The following DST variants were observed in gnomAD, a reference collection of about 807,000 sequenced individuals.
DST encodes the protein dystonin.
Under a neutral mutation model 875.2 loss-of-function variants are expected in DST, and 253 were observed. The ratio of observed to expected loss-of-function variants is 0.29; its 90% CI spans 0.26 to 0.32. The LOEUF (loss-of-function observed/expected upper bound fraction) is 0.32. Among genes scored for constraint, DST ranks in the 10% least tolerant of loss-of-function variants. DST has a pLI of 1.00. For missense variants in DST, 8,287 were observed against 9,111.6 expected (o/e 0.91, Z 3.68); for synonymous variants, 3,124 against 3,197.1 (o/e 0.98, Z 0.77).
rs186637359 is a variant in DST at position 56,524,874 on chromosome 6, T to C, written c.18129+1487A>G. On this transcript the variant is annotated intron_variant, in intron 69 of 103. Transcript: ENST00000680361. Reference sequence around the variant, plus strand: ...ATGCTTTCTTTCATGAATTTTTCTATATTCTTTGAGAAAATCTTGAAATTT... The same window carrying C: ...ATGCTTTCTTTCATGAATTTTTCTACATTCTTTGAGAAAATCTTGAAATTT... 9.2e-5 allele frequency among the ~76,000 whole-genome samples: 14 copies of C among 152,148 alleles called. No homozygotes were observed. The East Asian group carries it at 2.5e-3, about 27-fold the overall frequency.
intron 4 of DST, among the ~76,000 whole-genome samples, chr6:56,849,856 T>C (rs1450288185): frequency 2.0e-5 from 3 of 152,184 alleles, no homozygotes; most frequent in Non-Finnish European, 2.9e-5. Flanking sequence ...AAAAAATACA[T>C]AGAACAGGTA....
intron 36 of DST, chr6:56,619,444 T>TA: frequency 6.2e-7 from 1 of 1,612,328 alleles, no homozygotes; most frequent in South Asian, 1.1e-5. Context: ...ATTGTTCTTT[T>TA]AGATGATCTG....
In DST at chr6:56,632,006, G is replaced by C. The variant is rs754052746; in HGVS notation, c.3840C>G (p.Ile1280Met). 3 of 1,613,360 alleles carry C rather than the reference G, an allele frequency of 1.9e-6. No homozygotes were observed. Among genetic ancestry groups the C allele is most frequent in the Non-Finnish European group, 2.5e-6 (3 of 1,179,362 alleles). Reference protein sequence around the residue: ...EQEESVYNLYISEVRNIRLRL... With the variant: ...EQEESVYNLYMSEVRNIRLRL... The stretch of plus-strand genomic sequence containing the variant: ...GAAGTCTAATGTTTCGAACTTCAGA[G>C]ATGTAGAGATTATAAACTGATTCCT... Residue 1280 changes from isoleucine to methionine, a missense_variant, in exon 29 of 104, where the codon ATC becomes ATG. Coordinates refer to ENST00000680361, the MANE Select transcript of DST (RefSeq NM_001374736.1).
intron 9 of DST, among the ~76,000 whole-genome samples, chr6:56,677,045 A>G (rs1468915496): frequency 6.6e-6 from 1 of 152,186 alleles, no homozygotes; most frequent in Non-Finnish European, 1.5e-5. Flanking sequence ...TCACCTGAAA[A>G]ATGTAAGTAC....
At chr6:56,920,727 C>CTTT (rs1201574608) in intron 2 of DST, among the ~76,000 whole-genome samples, 22 of 124,186 alleles carry the variant, frequency 1.8e-4, no homozygotes, top group African/African-American at 4.3e-4. Context: ...TTCTTTCTTC[C>CTTT]TTTTTTTTTT....
chr6:56,493,780 T>C (rs1350729113), intron 83 of DST, among the ~76,000 whole-genome samples: 1 of 152,182 alleles, frequency 6.6e-6, no homozygotes, highest in Non-Finnish European at 1.5e-5. Flanking sequence ...TAACATTTGA[T>C]CTATATATTT....
At chr6:56,487,054 AT>A in intron 87 of DST, 49 bp downstream of exon 87, 1 of 1,579,846 alleles carries the variant, frequency 6.3e-7, no homozygotes, top group Non-Finnish European at 8.7e-7. Context: ...ATTACTGTGT[AT>A]TTGAAAGAGG....
At chr6:56,790,048 C>T (rs1457768027) in intron 4 of DST, among the ~76,000 whole-genome samples, 1 of 152,114 alleles carries the variant, frequency 6.6e-6, no homozygotes, top group Non-Finnish European at 1.5e-5. Flanking sequence ...AAGAGGTGAG[C>T]TCATTTCTCT....
rs368574072 is a variant in DST, at chr6:56,657,549, A to C, written c.1215-6305T>G. Among the ~76,000 whole-genome samples the C allele has an allele frequency of 2.0e-5, 3 of 152,194 alleles. No individual in the cohort carries two copies. In the East Asian group the frequency reaches 5.8e-4, roughly 29 times the overall value. ...TTTAAAAAGGAAAGACAAGACAGAA[A>C]GAAGAATGGTGGTTGTCAACGGGTG... On this transcript the variant is annotated intron_variant, in intron 10 of 103. Coordinates refer to ENST00000680361, the MANE Select transcript of DST (RefSeq NM_001374736.1).
intron 4 of DST, among the ~76,000 whole-genome samples, chr6:56,755,661 A>G (rs1393629932): frequency 6.6e-6 from 1 of 152,238 alleles, no homozygotes; most frequent in Admixed American, 6.5e-5. Flanking sequence ...AAAGTTTAAG[A>G]AGACAAAAAT....
chr6:56,764,568 G>A (rs577535464), intron 4 of DST, among the ~76,000 whole-genome samples: 6 of 152,106 alleles, frequency 3.9e-5, no homozygotes, highest in Non-Finnish European at 8.8e-5. Flanking sequence ...ATGTCTGTTT[G>A]TAGTAAACAC....
intron 4 of DST, among the ~76,000 whole-genome samples, chr6:56,786,396 C>G (rs1456741954): frequency 6.6e-6 from 1 of 152,222 alleles, no homozygotes; most frequent in Non-Finnish European, 1.5e-5. Context: ...ATCTGACTTC[C>G]TGATCACCTA....
At chr6:56,614,738 T>A (rs2098595783) in intron 36 of DST, 1 of 1,088,238 alleles carries the variant, frequency 9.2e-7, no homozygotes. Context: ...GTTCCATCAA[T>A]GTTACAAATT....
At chr6:56,812,168 T>C (rs1317521280) in intron 4 of DST, among the ~76,000 whole-genome samples, 2 of 107,546 alleles carry the variant, frequency 1.9e-5, no homozygotes, top group African/African-American at 3.1e-5. Flanking sequence ...AAATATTCTA[T>C]GGCAACTGAT....
rs570739190 is a variant in DST at position 56,562,037 on chromosome 6, G to T, written c.14068+101C>A. 1.5e-4 allele frequency: 95 copies of T among 615,652 alleles called. 1 individual carries two copies. The African/African-American group carries it at 1.6e-3, about 10-fold the overall frequency. 38.1% of individuals were successfully genotyped at this position (615,652 alleles called of 1,614,324 possible). On this transcript the variant is annotated intron_variant, in intron 56 of 103. Coordinates refer to ENST00000680361, the MANE Select transcript of DST (RefSeq NM_001374736.1). ...TAGATTAAATACCATTGTAATTCAGGCTTGAAATTTCAATATAACTACTGT... is the reference window on the plus strand; with the variant it reads ...TAGATTAAATACCATTGTAATTCAGTCTTGAAATTTCAATATAACTACTGT...
chr6:56,798,995 T>C (rs1036170376), intron 4 of DST, among the ~76,000 whole-genome samples: 3 of 152,214 alleles, frequency 2.0e-5, no homozygotes, highest in African/African-American at 4.8e-5. Context: ...CAAACTTGAA[T>C]GAATGAGGAG....
At chr6:56,516,571 T>C (rs2096599535) in intron 71 of DST, among the ~76,000 whole-genome samples, 1 of 151,992 alleles carries the variant, frequency 6.6e-6, no homozygotes, top group African/African-American at 2.4e-5. Context: ...AGATTCCTAT[T>C]TTTTTTGCCA....
chr6:56,548,512 A>G (rs1329240768), intron 61 of DST, among the ~76,000 whole-genome samples: 1 of 152,252 alleles, frequency 6.6e-6, no homozygotes, highest in Non-Finnish European at 1.5e-5. Flanking sequence ...TATGTCTTTG[A>G]TAAATAATAA....
chr6:56,833,613 A>G (rs560461431), intron 4 of DST, among the ~76,000 whole-genome samples: 2 of 152,274 alleles, frequency 1.3e-5, no homozygotes, highest in African/African-American at 4.8e-5. Flanking sequence ...CAGCTACAAC[A>G]GCATATTAGA....
Sources: gnomAD v4.1 joint callset for allele counts (sites outside exome capture counted in the v4.1 genomes callset) on GRCh38, gnomAD v4.1.1 for gene constraint, MANE v1.5 for transcripts, NCBI Gene and HGNC (gene_info 2026-07-23, HGNC 2026-07-21) for gene names.